The following DCAF12 variants were observed in gnomAD, a reference collection of about 807,000 sequenced individuals.
The protein encoded by DCAF12 is DDB1- and CUL4-associated factor 12.
In DCAF12, 28 loss-of-function variants were observed where a neutral mutation model predicts 52.8. The ratio of observed to expected loss-of-function variants is 0.53; its 90% CI spans 0.39 to 0.73. The LOEUF (loss-of-function observed/expected upper bound fraction) is 0.73. Among genes scored for constraint, DCAF12 ranks in the 30% least tolerant of loss-of-function variants. The probability of loss-of-function intolerance (pLI) is 0.00; values close to 1 mark genes in which losing one functional copy is unlikely to be tolerated. For missense variants in DCAF12, 425 were observed against 552.2 expected, an observed-to-expected ratio of 0.77 and a Z score of 2.31; for synonymous variants, 196 against 215.5, an observed-to-expected ratio of 0.91 and a Z score of 0.79.
Position 34,095,060 on chromosome 9 carries a change from CA to C in DCAF12, c.862-1613del, listed in dbSNP as rs535810763. 3.4e-4 allele frequency among the ~76,000 whole-genome samples: 50 copies of C among 148,640 alleles called. 1 individual carries two copies. The South Asian group carries it at 0.01, about 30-fold the overall frequency. ...CCATTTGTGGCATTGTGTTGGTGCT[CA>C]AAAAGTTTTGGACTTTGGAGGCTTT... is the stretch of plus-strand genomic sequence containing the variant. On this transcript the variant is annotated intron_variant, in intron 6 of 8. Coordinates refer to ENST00000361264, the MANE Select transcript of DCAF12 (RefSeq NM_015397.4).
At chr9:34,094,353 C>T (rs1245549801) in intron 6 of DCAF12, among the ~76,000 whole-genome samples, 34 of 151,528 alleles carry the variant, frequency 2.2e-4, no homozygotes, top group Admixed American at 1.7e-3. Flanking sequence ...TTGCAGTGAG[C>T]TGAGATCGTG....
intron 4 of DCAF12, 117 bp from the exon 5 acceptor site, chr9:34,098,634 G>A (rs1004528661): frequency 2.2e-5 from 25 of 1,133,992 alleles, no homozygotes; most frequent in Non-Finnish European, 2.9e-5. Context: ...CATATGTGCT[G>A]AAGCTTGGCC....
rs1829257565 is a variant in DCAF12, at chr9:34,126,693, T to C, written c.-262A>G. 1 of 553,236 alleles carries C rather than the reference T, an allele frequency of 1.8e-6. No individual in the cohort carries two copies. The highest frequency in any genetic ancestry group is 2.3e-5 in the South Asian group (1 of 44,196). 34.3% of individuals were successfully genotyped at this position (553,236 alleles called of 1,614,324 possible). A position where few individuals can be genotyped will look rare whatever the true frequency, so the allele number is the denominator to read the frequency against. ...AGAGCCTGCAAGGACGGCGAGCGGC[T>C]AGAACCAAAACACCCCCTCCCCCTT... is the stretch of plus-strand genomic sequence containing the variant. On this transcript the variant is annotated 5_prime_UTR_variant, in exon 1 of 9. Transcript: ENST00000361264.
At chr9:34,118,430 G>A (rs892971401) in intron 2 of DCAF12, among the ~76,000 whole-genome samples, 6 of 152,044 alleles carry the variant, frequency 3.9e-5, no homozygotes, top group Non-Finnish European at 7.4e-5. Flanking sequence ...CACTGCCCCC[G>A]GCCTGAAATT....
chr9:34,093,267 T>G lies in DCAF12; in HGVS notation c.1024+19A>C. ...ATGCAGTGCAGCTGTAGGCCTGAGG[T>G]GCACACAGGGACTCTTACCACTGCC... On this transcript the variant is annotated intron_variant, in intron 7 of 8. Coordinates refer to ENST00000361264, the MANE Select transcript of DCAF12 (RefSeq NM_015397.4). 6.2e-7 allele frequency: 1 copy of G among 1,613,848 alleles called. No individual in the cohort carries two copies. Among genetic ancestry groups the G allele is most frequent in the Non-Finnish European group, 8.5e-7 (1 of 1,179,856 alleles).
chr9:34,124,882 C>T (rs985677472), intron 2 of DCAF12, 141 bp downstream of exon 2: 1 of 1,075,900 alleles, frequency 9.3e-7, no homozygotes, highest in African/African-American at 1.6e-5. Flanking sequence ...AGGAAGAAGT[C>T]ACCAACGGGA....
chr9:34,116,751 G>C (rs1829093790), intron 2 of DCAF12, among the ~76,000 whole-genome samples: 1 of 152,118 alleles, frequency 6.6e-6, no homozygotes, highest in Non-Finnish European at 1.5e-5. Flanking sequence ...GAGGCTGAGG[G>C]GGGCAGATCA....
At chr9:34,098,071 G>A (rs573076993) in intron 5 of DCAF12, among the ~76,000 whole-genome samples, 1 of 152,310 alleles carries the variant, frequency 6.6e-6, no homozygotes, top group East Asian at 1.9e-4. Flanking sequence ...AATCAGGGTG[G>A]CCCTAGGGGA....
At chr9:34,117,212 C>T (rs542769385) in intron 2 of DCAF12, among the ~76,000 whole-genome samples, 25 of 150,670 alleles carry the variant, frequency 1.7e-4, no homozygotes, top group African/African-American at 6.1e-4. Flanking sequence ...GTGACATATT[C>T]TTATAAGCTT....
At chr9:34,090,366 CAAG>C (rs1296657611) in intron 7 of DCAF12, among the ~76,000 whole-genome samples, 1 of 151,868 alleles carries the variant, frequency 6.6e-6, no homozygotes, top group Non-Finnish European at 1.5e-5. Flanking sequence ...GGCCACAATG[CAAG>C]AAGTCTTTAT....
At chr9:34,100,978 T>G (rs914875186) in intron 4 of DCAF12, among the ~76,000 whole-genome samples, 1 of 151,510 alleles carries the variant, frequency 6.6e-6, no homozygotes, top group Non-Finnish European at 1.5e-5. Flanking sequence ...AACACCACAT[T>G]TTACATTCAA....
intron 3 of DCAF12, 62 bp from the exon 4 acceptor site, chr9:34,106,556 G>T: frequency 7.4e-7 from 1 of 1,345,018 alleles, no homozygotes; most frequent in Non-Finnish European, 1.1e-6. Context: ...AATAAGGATT[G>T]TAATAAACTC....
intron 2 of DCAF12, among the ~76,000 whole-genome samples, chr9:34,121,443 A>T (rs1285643647): frequency 6.6e-6 from 1 of 152,138 alleles, no homozygotes; most frequent in Non-Finnish European, 1.5e-5. Context: ...TCGCTCTCTT[A>T]TGGTGAAGGT....
At position 34,108,613 on chromosome 9, in the gene DCAF12, G is replaced by A. The variant is rs530117025; in HGVS notation, c.334-1048C>T. ...TCGAGATCAGCCTGGCTAACATGGTGAAAACCCTACTAAACTTACAAAATT... is the reference window on the plus strand; with the variant it reads ...TCGAGATCAGCCTGGCTAACATGGTAAAAACCCTACTAAACTTACAAAATT... On this transcript the variant is annotated intron_variant, in intron 2 of 8. Transcript: ENST00000361264. Among the ~76,000 whole-genome samples, 93 of 152,062 alleles carry A rather than the reference G, an allele frequency of 6.1e-4. No individual in the cohort carries two copies. In the South Asian group the frequency reaches 0.018, roughly 30 times the overall value.
At chr9:34,099,858 C>T (rs1587733764) in intron 4 of DCAF12, among the ~76,000 whole-genome samples, 1 of 152,166 alleles carries the variant, frequency 6.6e-6, no homozygotes, top group African/African-American at 2.4e-5. Flanking sequence ...TCCCAAAGTG[C>T]TGGGATTACA....
Position 34,126,370 on chromosome 9 carries a change from T to A in DCAF12, c.62A>T (p.Asp21Val), listed in dbSNP as rs1400970105. Residue 21 changes from aspartate to valine, a missense_variant, in exon 1 of 9, where the codon GAC becomes GTC. Coordinates refer to ENST00000361264, the MANE Select transcript of DCAF12 (RefSeq NM_015397.4). ...AACCCTCACCTGCGGGCCCTGAGCGTCGCTCCCAGCTCCCGGCGAGGCGGG... is the reference window on the plus strand; with the variant it reads ...AACCCTCACCTGCGGGCCCTGAGCGACGCTCCCAGCTCCCGGCGAGGCGGG... ...KAPASPGAGS[D>V]AQGPQFGWDH... 21 of 1,612,422 alleles carry A rather than the reference T, an allele frequency of 1.3e-5. No individual in the cohort carries two copies. In the South Asian group the frequency reaches 2.3e-4, roughly 18 times the overall value.
At chr9:34,091,227 T>C (rs1828639040) in intron 7 of DCAF12, among the ~76,000 whole-genome samples, 1 of 151,864 alleles carries the variant, frequency 6.6e-6, no homozygotes, top group South Asian at 2.1e-4. Context: ...CTCAGGAGGC[T>C]AAGGCAGGAG....
At position 34,098,476 on chromosome 9, in the gene DCAF12, C is replaced by T. The variant is rs1828774815; in HGVS notation, c.643G>A (p.Asp215Asn). The change falls in exon 5 of 9, where the codon GAT becomes AAT. Residue 215 changes from aspartate (D) to asparagine (N), a missense_variant. This residue lies in a region of DCAF12 where 328 missense variants were observed against 444.4 expected (regional missense o/e 0.74). Coordinates refer to ENST00000361264, the MANE Select transcript of DCAF12 (RefSeq NM_015397.4). ...CTCGCATCACTTTTGGTCAAAACAT[C>T]ATCTGTCACCTCCCAGAGTCCCATA... is the stretch of plus-strand genomic sequence containing the variant. ...GSMGLWEVTD[D>N]VLTKSDARHN... 1 of 1,614,122 alleles carries T rather than the reference C, an allele frequency of 6.2e-7. No individual in the cohort carries two copies. Among genetic ancestry groups the T allele is most frequent in the Non-Finnish European group, 8.5e-7 (1 of 1,180,024 alleles).
In DCAF12 at chr9:34,088,459, G is replaced by T; in HGVS notation, c.1253C>A (p.Pro418His). Reference sequence around the variant, plus strand: ...GTAGCAGTGGGTGTAAACAGCATTGGGGAAGAAGTCAATGTCTGAAAAGTA... The same window carrying T: ...GTAGCAGTGGGTGTAAACAGCATTGTGGAAGAAGTCAATGTCTGAAAAGTA... ...RNYFSDIDFF[P>H]NAVYTHCYDS... Residue 418 changes from proline (P) to histidine (H), a missense_variant, in exon 9 of 9, where the codon CCC (proline) becomes CAC (histidine). Pro to His is a moderately conservative substitution (Grantham distance 77). Around this residue, in one of 3 missense-constraint regions of DCAF12, gnomAD observed 328 missense variants for 444.4 expected, o/e 0.74. Coordinates refer to ENST00000361264, the MANE Select transcript of DCAF12 (RefSeq NM_015397.4). 6.2e-7 allele frequency: 1 copy of T among 1,614,190 alleles called. No homozygotes were observed. Among genetic ancestry groups the T allele is most frequent in the Non-Finnish European group, 8.5e-7 (1 of 1,180,038 alleles).
Sources: allele counts gnomAD v4.1 joint callset (sites outside exome capture counted in the v4.1 genomes callset), GRCh38; gene constraint gnomAD v4.1.1; regional missense constraint gnomAD v4.1.1; transcripts MANE v1.5; gene names NCBI Gene and HGNC (gene_info 2026-07-23, HGNC 2026-07-21).